Variants in ADAM18 observed in about 807,000 individuals in gnomAD.
The protein encoded by ADAM18 is ADAM metallopeptidase domain 18.
ADAM18 carries 117 observed loss-of-function variants against 94.4 expected under a neutral mutation model. The observed-to-expected ratio is 1.24, with a 90% confidence interval of 1.07 to 1.45. The LOEUF (loss-of-function observed/expected upper bound fraction) is 1.45, where lower values mean the gene tolerates loss of function less well. Ranked by LOEUF, ADAM18 falls within the 40% of genes most tolerant of loss-of-function variation. ADAM18 has a pLI of 0.00. For missense variants in ADAM18, 936 were observed against 880.0 expected, an observed-to-expected ratio of 1.06 and a Z score of -0.81; for synonymous variants, 327 against 291.6, an observed-to-expected ratio of 1.12 and a Z score of -1.24.
intron 17 of ADAM18, among the ~76,000 whole-genome samples, chr8:39,697,213 G>A (rs377167770): frequency 1.2e-3 from 176 of 151,682 alleles, no homozygotes; most frequent in African/African-American, 4.1e-3. Flanking sequence ...TTGTATGTGT[G>A]TTGATTTTGT....
Position 39,584,635 on chromosome 8 carries a change from C to G in ADAM18, c.13C>G (p.Leu5Val), listed in dbSNP as rs1818342011. 6.2e-7 allele frequency: 1 copy of G among 1,613,252 alleles called. No homozygotes were observed. Among genetic ancestry groups the G allele is most frequent in the Non-Finnish European group, 8.5e-7 (1 of 1,180,034 alleles). MFLL[L>V]ALLTELGRLQ... ...CTCTGGCTGAGCCATGTTCCTTCTCCTCGCCCTCCTCACTGAGCTTGGAAG... is the reference window on the plus strand; with the variant it reads ...CTCTGGCTGAGCCATGTTCCTTCTCGTCGCCCTCCTCACTGAGCTTGGAAG... Residue 5 changes from leucine (L) to valine (V), a missense_variant, in exon 1 of 20, where the codon CTC (leucine) becomes GTC (valine). Leu to Val is a conservative substitution (Grantham distance 32). Transcript: ENST00000265707.
chr8:39,632,013 A>AT (rs1819943709), intron 7 of ADAM18, among the ~76,000 whole-genome samples: 2 of 151,126 alleles, frequency 1.3e-5, no homozygotes, highest in African/African-American at 2.4e-5. Context: ...ATATCCTGTT[A>AT]TTTTTTGCAT....
intron 5 of ADAM18, among the ~76,000 whole-genome samples, 192 bp from the exon 6 acceptor site, chr8:39,610,337 A>C (rs1337093268): frequency 1.3e-5 from 2 of 152,138 alleles, no homozygotes; most frequent in African/African-American, 4.8e-5. Flanking sequence ...AATTTAAGCA[A>C]AACGAAGCCA....
At chr8:39,728,311 T>C (rs1822979159) in intron 19 of ADAM18, among the ~76,000 whole-genome samples, 1 of 152,060 alleles carries the variant, frequency 6.6e-6, no homozygotes, top group Non-Finnish European at 1.5e-5. Context: ...TCAAAGAAAA[T>C]TAAGAAATTT....
chr8:39,728,774 G>T (rs1822992190), intron 19 of ADAM18, among the ~76,000 whole-genome samples: 1 of 152,008 alleles, frequency 6.6e-6, no homozygotes, highest in Non-Finnish European at 1.5e-5. Context: ...ACCTTATTTT[G>T]TTTCCTTCTA....
intron 18 of ADAM18, among the ~76,000 whole-genome samples, chr8:39,720,557 T>C (rs560271547): frequency 1.3e-5 from 2 of 151,620 alleles, no homozygotes; most frequent in South Asian, 4.1e-4. Flanking sequence ...GTTAAACCCA[T>C]TCTTTATCAA....
At chr8:39,613,903 A>C (rs918001889) in intron 6 of ADAM18, among the ~76,000 whole-genome samples, 2 of 152,230 alleles carry the variant, frequency 1.3e-5, no homozygotes, top group African/African-American at 2.4e-5. Flanking sequence ...TGTTTTGTCA[A>C]ATCAATTCAG....
chr8:39,700,026 A>G (rs1585993757), intron 17 of ADAM18, among the ~76,000 whole-genome samples: 1 of 152,288 alleles, frequency 6.6e-6, no homozygotes, highest in Admixed American at 6.5e-5. Flanking sequence ...ACAATGTGAA[A>G]TGGGGGACTG....
At chr8:39,599,949 T>A (rs148210871) in intron 2 of ADAM18, among the ~76,000 whole-genome samples, 98 of 152,172 alleles carry the variant, frequency 6.4e-4, no homozygotes, top group African/African-American at 1.4e-3. Flanking sequence ...GAACCTCCAG[T>A]ACCATATTCA....
intron 12 of ADAM18, among the ~76,000 whole-genome samples, chr8:39,659,684 C>G (rs1382360494): frequency 1.3e-5 from 2 of 152,014 alleles, no homozygotes; most frequent in African/African-American, 4.8e-5. Context: ...GGCTATCAAA[C>G]AACTAATAAA....
intron 18 of ADAM18, among the ~76,000 whole-genome samples, chr8:39,713,561 C>T (rs962612697): frequency 1.3e-5 from 2 of 152,028 alleles, no homozygotes; most frequent in Non-Finnish European, 2.9e-5. Flanking sequence ...TGCTAATATC[C>T]AGAATCTACA....
intron 14 of ADAM18, 48 bp downstream of exon 14, chr8:39,668,244 C>A: frequency 6.4e-7 from 1 of 1,550,504 alleles, no homozygotes; most frequent in Non-Finnish European, 8.9e-7. Context: ...TTGCATCTCT[C>A]TGTAGAGTAC....
intron 18 of ADAM18, among the ~76,000 whole-genome samples, chr8:39,711,412 G>C (rs1822394261): frequency 6.6e-6 from 1 of 152,040 alleles, no homozygotes; most frequent in Non-Finnish European, 1.5e-5. Context: ...AAAATTAATT[G>C]ACAGAAATCA....
chr8:39,629,183 C>A (rs188339153), intron 6 of ADAM18, among the ~76,000 whole-genome samples, 191 bp from the exon 7 acceptor site: 16 of 151,804 alleles, frequency 1.1e-4, no homozygotes, highest in Admixed American at 2.6e-4. Context: ...ATTACTCTGG[C>A]AGGTTCATTG....
chr8:39,704,433 C>CAT (rs1271933490), intron 17 of ADAM18, among the ~76,000 whole-genome samples: 1 of 152,072 alleles, frequency 6.6e-6, no homozygotes, highest in East Asian at 1.9e-4. Flanking sequence ...TGATTCATCA[C>CAT]AAACAGAACT....
chr8:39,632,183 T>C (rs528330949), intron 7 of ADAM18, among the ~76,000 whole-genome samples: 1 of 152,006 alleles, frequency 6.6e-6, no homozygotes. Context: ...TATGTATACA[T>C]GTATTTAGTA....
chr8:39,726,477 G>A (rs12548069), intron 19 of ADAM18, among the ~76,000 whole-genome samples: 39,067 of 151,768 alleles, frequency 0.26, 5,264 homozygotes, highest in South Asian at 0.35. Flanking sequence ...TATATAGTTT[G>A]CAAATACTTT....
intron 12 of ADAM18, among the ~76,000 whole-genome samples, chr8:39,662,217 C>T (rs192827271): frequency 7.1e-4 from 108 of 151,998 alleles, no homozygotes; most frequent in Non-Finnish European, 1.2e-3. Context: ...ACAGGGAGAG[C>T]GTCTTCATTA....
rs761055219 is a variant in ADAM18 at position 39,610,693 on chromosome 8, C to T, written c.509C>T (p.Pro170Leu). Residue 170 changes from proline to leucine, a missense_variant, in exon 6 of 20, where the codon CCT (proline) becomes CTT (leucine). Physicochemically the swap from Pro to Leu is moderately conservative, Grantham distance 98. Coordinates refer to ENST00000265707, the MANE Select transcript of ADAM18 (RefSeq NM_014237.3). ...CAGAAAGACCAGCCCTACAAAGTTC[C>T]TTTAAACTCACAGGTGACTGTCATC... ...IWQKDQPYKV[P>L]LNSQIKNLSK... The T allele has an allele frequency of 1.9e-6, 3 of 1,612,788 alleles. No homozygotes were observed. In the East Asian group the frequency reaches 6.7e-5, roughly 36 times the overall value.
Sources: gnomAD v4.1 joint callset for allele counts (sites outside exome capture counted in the v4.1 genomes callset) on GRCh38, gnomAD v4.1.1 for gene constraint, MANE v1.5 for transcripts, NCBI Gene and HGNC (gene_info 2026-07-23, HGNC 2026-07-21) for gene names.